Variants in PDCD10 observed in about 807,000 individuals in gnomAD.
The protein encoded by PDCD10 is programmed cell death protein 10.
A neutral mutation model predicts 29.2 loss-of-function variants in PDCD10; 4 were observed. The ratio of observed to expected loss-of-function variants is 0.14; its 90% CI spans 0.07 to 0.31. The LOEUF is 0.31. Among genes scored for constraint, PDCD10 ranks in the 10% least tolerant of loss-of-function variants. PDCD10 has a pLI of 1.00. For synonymous variants in PDCD10, 70 were observed against 82.2 expected, an observed-to-expected ratio of 0.85 and a Z score of 0.80; for missense variants, 183 against 257.9, an observed-to-expected ratio of 0.71 and a Z score of 1.99.
chr3:167,701,095 G>T (rs1230654043), intron 4 of PDCD10, among the ~76,000 whole-genome samples: 1 of 152,076 alleles, frequency 6.6e-6, no homozygotes, highest in Non-Finnish European at 1.5e-5. Context: ...AAAAACACCA[G>T]CTTCCAGTCT....
intron 4 of PDCD10, among the ~76,000 whole-genome samples, chr3:167,700,313 T>C (rs1033306139): frequency 6.6e-6 from 1 of 152,134 alleles, no homozygotes; most frequent in Admixed American, 6.6e-5. Context: ...CCCTCACATA[T>C]TTTTCTCATC....
intron 3 of PDCD10, among the ~76,000 whole-genome samples, chr3:167,705,139 CAT>C (rs1443738086): frequency 1.3e-5 from 2 of 151,930 alleles, no homozygotes; most frequent in Non-Finnish European, 2.9e-5. Flanking sequence ...TTATATCAAA[CAT>C]GTGAGGTTTA....
At chr3:167,734,040 C>T (rs1225451802) in intron 2 of PDCD10, among the ~76,000 whole-genome samples, 174 bp downstream of exon 2, 1 of 152,136 alleles carries the variant, frequency 6.6e-6, no homozygotes, top group Admixed American at 6.5e-5. Context: ...TTCCTCCACC[C>T]TTTTCAAAAA....
intron 4 of PDCD10, 141 bp from the exon 5 acceptor site, chr3:167,697,267 T>C: frequency 1.6e-6 from 1 of 626,998 alleles, no homozygotes; most frequent in South Asian, 1.8e-5. Flanking sequence ...GCAGGTGTCA[T>C]GATAGCATTC....
chr3:167,725,814 C>G (rs1444572692), intron 2 of PDCD10, among the ~76,000 whole-genome samples: 1 of 78,264 alleles, frequency 1.3e-5, no homozygotes, highest in East Asian at 3.6e-4. Context: ...TATATATATG[C>G]TTTAAAAATA....
chr3:167,686,504 A>G (rs1360885466), intron 8 of PDCD10, among the ~76,000 whole-genome samples: 1 of 152,134 alleles, frequency 6.6e-6, no homozygotes, highest in Admixed American at 6.5e-5. Flanking sequence ...AGGCAGTGGG[A>G]ATTTTTTAAA....
chr3:167,715,622 AAAG>A (rs1348660859), intron 3 of PDCD10, among the ~76,000 whole-genome samples: 1 of 152,110 alleles, frequency 6.6e-6, no homozygotes, highest in African/African-American at 2.4e-5. Context: ...ACATTCCTCA[AAAG>A]AAGACATACA....
At chr3:167,701,575 C>A (rs950086560) in intron 4 of PDCD10, among the ~76,000 whole-genome samples, 1 of 152,184 alleles carries the variant, frequency 6.6e-6, no homozygotes, top group Non-Finnish European at 1.5e-5. Context: ...GAGTTCAACA[C>A]TGAAAGGCAT....
intron 8 of PDCD10, among the ~76,000 whole-genome samples, chr3:167,685,092 C>T (rs1719449875): frequency 6.6e-6 from 1 of 151,912 alleles, no homozygotes; most frequent in Non-Finnish European, 1.5e-5. Flanking sequence ...CTAGCATGCA[C>T]CCGCATCCTA....
At chr3:167,693,745 C>T (rs1720503762) in intron 6 of PDCD10, among the ~76,000 whole-genome samples, 1 of 151,208 alleles carries the variant, frequency 6.6e-6, no homozygotes, top group South Asian at 2.1e-4. Context: ...AGGTTAGAGA[C>T]CAGCTTGGGC....
At chr3:167,685,171 G>C (rs1370503770) in intron 8 of PDCD10, among the ~76,000 whole-genome samples, 1 of 152,018 alleles carries the variant, frequency 6.6e-6, no homozygotes, top group African/African-American at 2.4e-5. Context: ...CAGCACTTTG[G>C]GAGGCCAAGG....
In PDCD10 at chr3:167,683,648, A is replaced by C. The variant is rs1455225106; in HGVS notation, c.*660T>G. On this transcript the variant is annotated 3_prime_UTR_variant, in exon 9 of 9. Transcript: ENST00000392750. ...TATCTCTTACTCATAAGTCGTTTAA[A>C]ACAGGTTGGAAATCATATAAAAATA... 2 of 151,950 alleles carry C rather than the reference A, an allele frequency of 1.3e-5. No individual in the cohort carries two copies. Among genetic ancestry groups the C allele is most frequent in the Non-Finnish European group, 2.9e-5 (2 of 67,890 alleles). The allele number at this position is 151,950 out of a possible 1,614,324, so 9.4% of individuals were successfully genotyped here.
chr3:167,699,549 G>C (rs1283085892), intron 4 of PDCD10, among the ~76,000 whole-genome samples: 1 of 152,102 alleles, frequency 6.6e-6, no homozygotes, highest in Non-Finnish European at 1.5e-5. Flanking sequence ...GAATAAATAT[G>C]GTCTTAAATC....
chr3:167,687,598 G>A lies in PDCD10; in HGVS notation c.474+17C>T. ...AACATCTAGGGTGTCAACTAGCAAG[G>A]CTTCTACTAAACGTACCCTGCGGTT... is the stretch of plus-strand genomic sequence containing the variant. On this transcript the variant is annotated intron_variant, in intron 7 of 8. Coordinates refer to ENST00000392750, the MANE Select transcript of PDCD10 (RefSeq NM_007217.4). The A allele has an allele frequency of 2.1e-6, 3 of 1,456,004 alleles. No homozygotes were observed. Among genetic ancestry groups the A allele is most frequent in the Non-Finnish European group, 2.9e-6 (3 of 1,036,374 alleles). The allele number at this position is 1,456,004 out of a possible 1,614,324, so 90.2% of individuals were successfully genotyped here.
chr3:167,705,894 C>T (rs1195912812), intron 3 of PDCD10, among the ~76,000 whole-genome samples: 3 of 152,032 alleles, frequency 2.0e-5, no homozygotes, highest in Admixed American at 6.6e-5. Context: ...ATTAAAATAA[C>T]AATATAGCTC....
intron 8 of PDCD10, among the ~76,000 whole-genome samples, chr3:167,686,511 T>A (rs1719642302): frequency 6.6e-6 from 1 of 152,158 alleles, no homozygotes; most frequent in South Asian, 2.1e-4. Flanking sequence ...GGGAATTTTT[T>A]AAAAACTGTC....
intron 2 of PDCD10, among the ~76,000 whole-genome samples, chr3:167,723,838 A>T (rs766441208): frequency 2.0e-5 from 3 of 152,230 alleles, no homozygotes; most frequent in Non-Finnish European, 4.4e-5. Context: ...TGGGATATCA[A>T]CACAGAGTAT....
At chr3:167,711,170 A>T (rs1023172715) in intron 3 of PDCD10, among the ~76,000 whole-genome samples, 1 of 152,198 alleles carries the variant, frequency 6.6e-6, no homozygotes, top group Non-Finnish European at 1.5e-5. Context: ...CTCACCAAAC[A>T]AACTAAATAA....
chr3:167,686,767 G>A (rs1477717262), intron 8 of PDCD10, among the ~76,000 whole-genome samples: 1 of 152,208 alleles, frequency 6.6e-6, no homozygotes, highest in Admixed American at 6.5e-5. Context: ...TGTTTCAGGA[G>A]TGTATAAAGT....
Sources: allele counts gnomAD v4.1 joint callset (sites outside exome capture counted in the v4.1 genomes callset), GRCh38; gene constraint gnomAD v4.1.1; transcripts MANE v1.5; gene names NCBI Gene and HGNC (gene_info 2026-07-23, HGNC 2026-07-21).